The following RARB variants were observed in gnomAD, a reference collection of about 807,000 sequenced individuals.
RARB encodes the protein HBV-activated protein.
In RARB, 17 loss-of-function variants were observed where a neutral mutation model predicts 51.9. The observed-to-expected ratio is 0.33, with a 90% confidence interval of 0.22 to 0.49. The LOEUF (loss-of-function observed/expected upper bound fraction) is 0.49. RARB is among the 20% of genes least tolerant of loss of function. RARB has a pLI of 0.99. For synonymous variants in RARB, 215 were observed against 195.4 expected (o/e 1.10, Z -0.84); for missense variants, 369 against 550.8 (o/e 0.67, Z 3.30).
chr3:25,365,734 G>C (rs2125467725), intron 5 of RARB, among the ~76,000 whole-genome samples: 1 of 152,322 alleles, frequency 6.6e-6, no homozygotes, highest in East Asian at 1.9e-4. Flanking sequence ...TGGACTAAAA[G>C]CCTTACTCTC....
chr3:25,118,778 A>G (rs1457320001), intron 3 of RARB, among the ~76,000 whole-genome samples: 1 of 152,150 alleles, frequency 6.6e-6, no homozygotes, highest in Non-Finnish European at 1.5e-5. Context: ...CCCAGGCAAC[A>G]CAAGATCCTC....
chr3:25,075,146 G>A (rs1021496174), intron 3 of RARB, among the ~76,000 whole-genome samples: 2 of 152,142 alleles, frequency 1.3e-5, no homozygotes, highest in Non-Finnish European at 2.9e-5. Flanking sequence ...GCAGATGTGG[G>A]GGTCTTCCAG....
At chr3:25,321,543 C>A (rs895673589) in intron 5 of RARB, among the ~76,000 whole-genome samples, 3 of 151,804 alleles carry the variant, frequency 2.0e-5, no homozygotes, top group East Asian at 3.9e-4. Context: ...CATGGCGAAA[C>A]CCCTTCTCTA....
intron 2 of RARB, among the ~76,000 whole-genome samples, chr3:25,050,873 A>G (rs1248488716): frequency 3.9e-5 from 6 of 152,200 alleles, no homozygotes; most frequent in Non-Finnish European, 8.8e-5. Flanking sequence ...CATATAAATG[A>G]ACTTGCTTCT....
At chr3:25,001,875 T>C (rs549825605) in intron 2 of RARB, among the ~76,000 whole-genome samples, 6 of 152,192 alleles carry the variant, frequency 3.9e-5, no homozygotes, top group African/African-American at 1.4e-4. Context: ...CCCTCCAAGC[T>C]CAAGCAATTC....
intron 5 of RARB, among the ~76,000 whole-genome samples, chr3:25,327,642 T>G (rs576193232): frequency 6.6e-6 from 1 of 152,162 alleles, no homozygotes; most frequent in Non-Finnish European, 1.5e-5. Flanking sequence ...TTGACCAGAT[T>G]AGGCAGTTAA....
intron 1 of RARB, among the ~76,000 whole-genome samples, chr3:25,448,763 G>T (rs533779835): frequency 1.3e-5 from 2 of 152,086 alleles, no homozygotes; most frequent in African/African-American, 2.4e-5. Flanking sequence ...CACCGTGCCC[G>T]GCCGAGAATC....
chr3:25,429,772 C>A (rs993495587), intron 1 of RARB, among the ~76,000 whole-genome samples: 1 of 152,228 alleles, frequency 6.6e-6, no homozygotes, highest in Non-Finnish European at 1.5e-5. Flanking sequence ...TCAGGAGTCC[C>A]AGAAAATCCC....
intron 2 of RARB, among the ~76,000 whole-genome samples, chr3:24,950,346 G>A (rs557383830): frequency 9.9e-5 from 15 of 152,190 alleles, no homozygotes; most frequent in African/African-American, 3.6e-4. Context: ...ACATAATTAT[G>A]TAAAAATGGG....
intron 3 of RARB, among the ~76,000 whole-genome samples, chr3:25,540,697 TTGCCCCAGGG>T (rs1476441869): frequency 1.3e-5 from 2 of 152,234 alleles, no homozygotes; most frequent in African/African-American, 4.8e-5. Flanking sequence ...TTTATATGGG[TTGCCCCAGGG>T]TGCTGTGGAT....
chr3:25,061,403 T>C (rs956368678), intron 3 of RARB, among the ~76,000 whole-genome samples: 1 of 151,894 alleles, frequency 6.6e-6, no homozygotes, highest in East Asian at 1.9e-4. Flanking sequence ...GTGTATCTAT[T>C]GGGTAAGTTC....
intron 5 of RARB, among the ~76,000 whole-genome samples, chr3:25,240,558 T>C (rs762796237): frequency 8.5e-5 from 13 of 152,208 alleles, no homozygotes; most frequent in South Asian, 2.1e-4. Flanking sequence ...TTGAATCTTA[T>C]CAAATGCTTT....
chr3:25,413,784 G>A lies in RARB; in HGVS notation c.179-47409G>A, dbSNP rs371515349. 2.3e-4 allele frequency among the ~76,000 whole-genome samples: 35 copies of A among 152,138 alleles called. 1 individual carries two copies. The South Asian group carries it at 7.3e-3, about 32-fold the overall frequency. The stretch of plus-strand genomic sequence containing the variant: ...TCATCTTTGCAACCAAGGCTTGTTG[G>A]CATTGAGCTGCAACACACTGGCATG... On this transcript the variant is annotated intron_variant, in intron 5 of 11. Coordinates refer to the RARB transcript ENST00000383772.
intron 3 of RARB, among the ~76,000 whole-genome samples, chr3:25,090,662 C>T (rs1011763564): frequency 3.3e-5 from 5 of 152,066 alleles, no homozygotes; most frequent in Non-Finnish European, 7.4e-5. Flanking sequence ...TCTCTTCTCA[C>T]TTCCTATATA....
intron 5 of RARB, among the ~76,000 whole-genome samples, chr3:25,279,960 G>A (rs1053300906): frequency 1.3e-5 from 2 of 152,162 alleles, no homozygotes. Context: ...AGTTGTAGGG[G>A]AGGGAAGATT....
At chr3:24,949,369 T>C (rs1043286294) in intron 2 of RARB, among the ~76,000 whole-genome samples, 5 of 152,102 alleles carry the variant, frequency 3.3e-5, no homozygotes, top group Non-Finnish European at 7.4e-5. Context: ...CCTGAACATA[T>C]TGTACAAGTA....
intron 5 of RARB, among the ~76,000 whole-genome samples, chr3:25,391,567 T>C (rs761911812): frequency 6.6e-6 from 1 of 151,980 alleles, no homozygotes; most frequent in African/African-American, 2.4e-5. Flanking sequence ...ACTATTTTTA[T>C]GTTTTAATTA....
At chr3:25,018,995 G>T (rs542825951) in intron 2 of RARB, among the ~76,000 whole-genome samples, 3 of 152,140 alleles carry the variant, frequency 2.0e-5, no homozygotes, top group African/African-American at 7.2e-5. Flanking sequence ...TTTGTGATTG[G>T]CTTGAAATTA....
intron 4 of RARB, among the ~76,000 whole-genome samples, chr3:25,146,492 G>GTTTTTTTTTTTTTTT (rs751190061): frequency 4.0e-5 from 5 of 126,256 alleles, no homozygotes; most frequent in South Asian, 2.4e-4. Context: ...AATTTGCTAA[G>GTTTTTTTTTTTTTTT]TTTTTTGTTT....
Sources: gnomAD v4.1 joint callset for allele counts (sites outside exome capture counted in the v4.1 genomes callset) on GRCh38, gnomAD v4.1.1 for gene constraint, MANE v1.5 for transcripts, NCBI Gene and HGNC (gene_info 2026-07-23, HGNC 2026-07-21) for gene names.